The following SCGB2B2 variants were observed in gnomAD, a reference collection of about 807,000 sequenced individuals.
SCGB2B2 encodes secretoglobin family 2B member 2, also known as secretoglobin-like protein.
Under a neutral mutation model 7.6 loss-of-function variants are expected in SCGB2B2, and 11 were observed. That is an observed-to-expected ratio of 1.45 (90% confidence interval 0.91 to 2.40). The LOEUF (loss-of-function observed/expected upper bound fraction) is 2.40, where lower values mean the gene tolerates loss of function less well. Ranked by LOEUF, SCGB2B2 falls within the 30% of genes most tolerant of loss-of-function variation. SCGB2B2 has a pLI of 0.00. For missense variants in SCGB2B2, 104 were observed against 115.4 expected (o/e 0.90, Z 0.45); for synonymous variants, 50 against 48.6 (o/e 1.03, Z -0.12).
intron 1 of SCGB2B2, among the ~76,000 whole-genome samples, chr19:34,630,862 C>A (rs1449362461): frequency 1.3e-5 from 2 of 151,852 alleles, no homozygotes; most frequent in African/African-American, 2.4e-5. Context: ...TTGGAACCAA[C>A]CCAAATGTCC....
At chr19:34,594,136 G>A (rs778657186) in intron 3 of SCGB2B2, 39 bp downstream of exon 3, 3 of 1,530,712 alleles carry the variant, frequency 2.0e-6, no homozygotes, top group Non-Finnish European at 2.7e-6. Context: ...TGGGACGTGT[G>A]GCCATGTAGT....
Position 34,591,496 on chromosome 19 carries a change from C to T in SCGB2B2, c.*2059G>A, listed in dbSNP as rs1034187460. Among the ~76,000 whole-genome samples the T allele has an allele frequency of 4.6e-5, 7 of 152,196 alleles. No homozygotes were observed. Among genetic ancestry groups the T allele is most frequent in the Admixed American group, 2.6e-4 (4 of 15,276 alleles). ...GTCTTCCTGCCTCTACTGCCGCCCC[C>T]GTTGCTCTATTCCAACAGGGAAAGT... is the stretch of plus-strand genomic sequence containing the variant. On this transcript the variant is annotated 3_prime_UTR_variant, in exon 4 of 4. Coordinates refer to ENST00000601241, the MANE Select transcript of SCGB2B2 (RefSeq NM_001025591.4).
At chr19:34,618,742 T>TAAA (rs999773862) in intron 1 of SCGB2B2, among the ~76,000 whole-genome samples, 12 of 152,354 alleles carry the variant, frequency 7.9e-5, no homozygotes, top group African/African-American at 2.9e-4. Flanking sequence ...CAAGCACATG[T>TAAA]TATAATATTA....
downstream of SCGB2B2, among the ~76,000 whole-genome samples, chr19:34,589,745 A>G (rs1171735558): frequency 2.6e-5 from 4 of 151,788 alleles, no homozygotes; most frequent in Non-Finnish European, 5.9e-5. Flanking sequence ...TGGATGATGG[A>G]GGAGGAGGGT....
chr19:34,644,933 A>C (rs1438743119), intron 1 of SCGB2B2, among the ~76,000 whole-genome samples: 2 of 152,244 alleles, frequency 1.3e-5, no homozygotes, highest in African/African-American at 4.8e-5. Context: ...AAACTGAAGC[A>C]CAACGAGCTT....
intron 1 of SCGB2B2, among the ~76,000 whole-genome samples, chr19:34,597,843 G>A (rs2065504676): frequency 6.6e-6 from 1 of 152,220 alleles, no homozygotes; most frequent in Non-Finnish European, 1.5e-5. Context: ...GCACATGATG[G>A]GGCCGGTGTG....
At chr19:34,634,855 C>T in intron 1 of SCGB2B2, 1 of 264,262 alleles carries the variant, frequency 3.8e-6, no homozygotes. Flanking sequence ...TAGGGCCTTT[C>T]ACCAGTGTGA....
chr19:34,632,234 T>C (rs1189542175), intron 1 of SCGB2B2, among the ~76,000 whole-genome samples: 1 of 152,164 alleles, frequency 6.6e-6, no homozygotes, highest in Non-Finnish European at 1.5e-5. Context: ...GTACCAAAAA[T>C]ATGTTCAATC....
intron 1 of SCGB2B2, among the ~76,000 whole-genome samples, chr19:34,609,578 C>T (rs1306492326): frequency 6.6e-6 from 1 of 152,062 alleles, no homozygotes; most frequent in Non-Finnish European, 1.5e-5. Context: ...AAGAGACTGT[C>T]CAATCCTCAG....
In SCGB2B2 at chr19:34,592,930, C is replaced by T. The variant is rs2065336721; in HGVS notation, c.*625G>A. Among the ~76,000 whole-genome samples the T allele has an allele frequency of 1.3e-5, 2 of 151,960 alleles. No individual in the cohort carries two copies. The highest frequency in any genetic ancestry group is 4.8e-5 in the African/African-American group (2 of 41,366). Reference sequence around the variant, plus strand: ...GTCCTGGGGAGCCCTGGAGGTTCTGCATTGAGGGGTTGTGGGGTAGAGGTA... The same window carrying T: ...GTCCTGGGGAGCCCTGGAGGTTCTGTATTGAGGGGTTGTGGGGTAGAGGTA... On this transcript the variant is annotated 3_prime_UTR_variant, in exon 4 of 4. Transcript: ENST00000601241.
At chr19:34,637,555 A>C (rs569330896) in intron 1 of SCGB2B2, 2 of 200,178 alleles carry the variant, frequency 1.0e-5, no homozygotes, top group Non-Finnish European at 2.3e-5. Flanking sequence ...CTCGAGCTTC[A>C]ATTCTTAAAA....
At chr19:34,661,622 A>G (rs2067459882) in intron 1 of SCGB2B2, among the ~76,000 whole-genome samples, 1 of 152,178 alleles carries the variant, frequency 6.6e-6, no homozygotes, top group African/African-American at 2.4e-5. Context: ...GACATGAAAT[A>G]GGGAACCCAG....
Position 34,677,110 on chromosome 19 carries a change from A to C in SCGB2B2, c.-3512T>G, listed in dbSNP as rs1730049065. ...TTGGTTGGCGAACTACAGTCGTGAC[A>C]GTCGGGCCACAGGGCGTTTTGTGAG... On this transcript the variant is annotated 5_prime_UTR_variant, in exon 1 of 4. Coordinates refer to ENST00000601241, the MANE Select transcript of SCGB2B2 (RefSeq NM_001025591.4). The C allele has an allele frequency of 6.6e-6, 1 of 151,540 alleles. No homozygotes were observed. The highest frequency in any genetic ancestry group is 2.1e-4 in the South Asian group (1 of 4,780). 9.4% of individuals were successfully genotyped at this position (151,540 alleles called of 1,614,324 possible).
chr19:34,626,006 C>T (rs1216064109), intron 1 of SCGB2B2, among the ~76,000 whole-genome samples: 2 of 152,214 alleles, frequency 1.3e-5, no homozygotes, highest in East Asian at 3.9e-4. Flanking sequence ...CCCAGGCAAA[C>T]AGGGTCTGGA....
At chr19:34,667,509 G>C (rs903293505) in intron 1 of SCGB2B2, among the ~76,000 whole-genome samples, 2 of 152,022 alleles carry the variant, frequency 1.3e-5, no homozygotes, top group African/African-American at 4.8e-5. Flanking sequence ...GGCTGATTGC[G>C]GGCCACTACT....
chr19:34,630,563 G>C (rs1479775422), intron 1 of SCGB2B2, among the ~76,000 whole-genome samples: 1 of 151,888 alleles, frequency 6.6e-6, no homozygotes, highest in African/African-American at 2.4e-5. Flanking sequence ...ACAACAATGA[G>C]ATACCATCTC....
intron 1 of SCGB2B2, among the ~76,000 whole-genome samples, chr19:34,658,813 CAAAAAAA>C (rs138363297): frequency 3.6e-4 from 37 of 101,992 alleles, no homozygotes; most frequent in East Asian, 2.5e-3. Flanking sequence ...ACAACAACAA[CAAAAAAA>C]AAAAAAAAAA....
chr19:34,636,353 G>A (rs2066678671), intron 1 of SCGB2B2, among the ~76,000 whole-genome samples: 1 of 152,166 alleles, frequency 6.6e-6, no homozygotes. Context: ...CAATGGGGAG[G>A]TCTAGGGAGG....
intron 1 of SCGB2B2, among the ~76,000 whole-genome samples, chr19:34,639,824 A>G (rs1170391061): frequency 6.6e-6 from 1 of 152,140 alleles, no homozygotes; most frequent in Non-Finnish European, 1.5e-5. Context: ...GACAGTTCCC[A>G]TAATACCTTC....
Sources: allele counts gnomAD v4.1 joint callset (sites outside exome capture counted in the v4.1 genomes callset), GRCh38; gene constraint gnomAD v4.1.1; transcripts MANE v1.5; gene names NCBI Gene and HGNC (gene_info 2026-07-23, HGNC 2026-07-21).